SOX5: variants seen among roughly 807,000 people sequenced by gnomAD.
The protein encoded by SOX5 is SRY-box transcription factor 5.
SOX5 carries 9 observed loss-of-function variants against 92.0 expected under a neutral mutation model. The ratio of observed to expected loss-of-function variants is 0.10; its 90% CI spans 0.06 to 0.17. The LOEUF (loss-of-function observed/expected upper bound fraction) is 0.17, where lower values mean the gene tolerates loss of function less well. SOX5 is among the 10% of genes least tolerant of loss of function. The pLI, the probability that SOX5 is intolerant of heterozygous loss-of-function variation, is 1.00. For synonymous variants in SOX5, 344 were observed against 336.3 expected (o/e 1.02, Z -0.25); for missense variants, 642 against 944.5 (o/e 0.68, Z 4.20).
intron 4 of SOX5, among the ~76,000 whole-genome samples, chr12:24,164,560 A>G (rs185565809): frequency 6.6e-6 from 1 of 152,076 alleles, no homozygotes; most frequent in Non-Finnish European, 1.5e-5. Flanking sequence ...GTTGCTAATC[A>G]CTCTGGTGTC....
At chr12:24,384,653 C>A (rs922812463) in intron 1 of SOX5, among the ~76,000 whole-genome samples, 3 of 152,146 alleles carry the variant, frequency 2.0e-5, no homozygotes, top group Non-Finnish European at 4.4e-5. Context: ...TACTGTTGCA[C>A]CTGAAACAGC....
rs1317722673 is a variant in SOX5, at chr12:24,246,140, T to G, written c.-77+31076A>C. Among the ~76,000 whole-genome samples the G allele has an allele frequency of 8.5e-5, 13 of 152,312 alleles. No individual in the cohort carries two copies. The East Asian group carries it at 2.3e-3, about 27-fold the overall frequency. Reference sequence around the variant, plus strand: ...TACATATTTAAAATTTTGGTTTTAGTCTTGTTGAACTTTTTTTTTAAATAA... The same window carrying G: ...TACATATTTAAAATTTTGGTTTTAGGCTTGTTGAACTTTTTTTTTAAATAA... On this transcript the variant is annotated intron_variant, in intron 3 of 4. Transcript: ENST00000446891.
At chr12:23,806,381 A>ATGGGAGGACTAT (rs760668675) in intron 3 of SOX5, among the ~76,000 whole-genome samples, 45 of 152,166 alleles carry the variant, frequency 3.0e-4, no homozygotes, top group Non-Finnish European at 5.4e-4. Flanking sequence ...GAGCACTGAA[A>ATGGGAGGACTAT]TGGGAGGACT....
At chr12:23,857,570 C>T (rs866314480) in intron 2 of SOX5, among the ~76,000 whole-genome samples, 15 of 152,158 alleles carry the variant, frequency 9.9e-5, no homozygotes, top group Admixed American at 4.6e-4. Flanking sequence ...GAGTACATTG[C>T]CCTTCCCTCT....
At chr12:24,442,948 A>ATTTTTTT (rs3983413) in intron 1 of SOX5, among the ~76,000 whole-genome samples, 6 of 109,930 alleles carry the variant, frequency 5.5e-5, no homozygotes, top group South Asian at 6.2e-4. Context: ...TAAGTTTATA[A>ATTTTTTT]TTTTTTTTTT....
At chr12:24,207,168 T>C (rs1423299954) in intron 4 of SOX5, among the ~76,000 whole-genome samples, 1 of 152,236 alleles carries the variant, frequency 6.6e-6, no homozygotes, top group African/African-American at 2.4e-5. Flanking sequence ...TGTAAGCGTC[T>C]AAATGAAATC....
At chr12:23,946,619 T>C (rs555884519) in intron 1 of SOX5, among the ~76,000 whole-genome samples, 2 of 152,108 alleles carry the variant, frequency 1.3e-5, no homozygotes, top group Admixed American at 1.3e-4. Flanking sequence ...ATATATAAAT[T>C]TATTGACTTC....
At chr12:24,414,537 C>T (rs984596560) in intron 1 of SOX5, among the ~76,000 whole-genome samples, 9 of 152,190 alleles carry the variant, frequency 5.9e-5, no homozygotes, top group East Asian at 1.9e-4. Context: ...ATTCCAGCCC[C>T]GTGTACTGGT....
intron 4 of SOX5, among the ~76,000 whole-genome samples, chr12:23,748,956 G>T (rs181007419): frequency 2.0e-5 from 3 of 151,934 alleles, no homozygotes; most frequent in Admixed American, 2.0e-4. Flanking sequence ...CTACCACATG[G>T]CAAGACAGAT....
At chr12:24,152,190 T>C (rs978670669) in intron 4 of SOX5, among the ~76,000 whole-genome samples, 3 of 152,156 alleles carry the variant, frequency 2.0e-5, no homozygotes, top group African/African-American at 7.2e-5. Context: ...AAAGTTGACA[T>C]ATGTCATGGG....
At chr12:23,976,883 T>C (rs1166293527) in intron 4 of SOX5, among the ~76,000 whole-genome samples, 1 of 151,778 alleles carries the variant, frequency 6.6e-6, no homozygotes, top group Non-Finnish European at 1.5e-5. Flanking sequence ...TGTTGACTTG[T>C]AGAAGAATAG....
chr12:24,381,204 A>C (rs1359523561), intron 1 of SOX5, among the ~76,000 whole-genome samples: 1 of 152,362 alleles, frequency 6.6e-6, no homozygotes, highest in South Asian at 2.1e-4. Context: ...CCAACGAAAA[A>C]CCAAAACAAC....
intron 4 of SOX5, among the ~76,000 whole-genome samples, chr12:24,042,957 T>C (rs1217811644): frequency 6.6e-6 from 1 of 152,186 alleles, no homozygotes; most frequent in African/African-American, 2.4e-5. Context: ...TTGTTTAATA[T>C]TTACCAAAGT....
chr12:24,206,416 C>T (rs554474921), intron 4 of SOX5, among the ~76,000 whole-genome samples: 1 of 152,222 alleles, frequency 6.6e-6, no homozygotes, highest in African/African-American at 2.4e-5. Context: ...GGAGTTAGTC[C>T]AGACACTTAA....
chr12:24,282,775 A>G (rs1945371690), intron 2 of SOX5, among the ~76,000 whole-genome samples: 1 of 152,204 alleles, frequency 6.6e-6, no homozygotes, highest in East Asian at 1.9e-4. Flanking sequence ...TAATTAGGGC[A>G]GTGCTAGATC....
At chr12:23,558,014 A>G (rs1945521943) in intron 11 of SOX5, among the ~76,000 whole-genome samples, 1 of 150,676 alleles carries the variant, frequency 6.6e-6, no homozygotes. Flanking sequence ...GTAAGAGTGG[A>G]AGGGCAAAAG....
chr12:24,549,043 C>A (rs1280666548), intron 1 of SOX5, among the ~76,000 whole-genome samples: 3 of 152,154 alleles, frequency 2.0e-5, no homozygotes, highest in Admixed American at 2.0e-4. Flanking sequence ...ACACTCTTTT[C>A]CCTCCCTCTT....
chr12:23,900,772 C>A (rs1388794056), intron 1 of SOX5, among the ~76,000 whole-genome samples: 3 of 152,064 alleles, frequency 2.0e-5, no homozygotes, highest in Admixed American at 1.3e-4. Context: ...TCAGCCCAGC[C>A]AACATGGTGA....
At chr12:24,047,954 T>C (rs550120514) in intron 4 of SOX5, among the ~76,000 whole-genome samples, 2 of 152,342 alleles carry the variant, frequency 1.3e-5, no homozygotes, top group Admixed American at 6.5e-5. Flanking sequence ...AAGTGATCCT[T>C]TTCTTCAGTT....
Sources: gnomAD v4.1 joint callset for allele counts (sites outside exome capture counted in the v4.1 genomes callset) on GRCh38, gnomAD v4.1.1 for gene constraint, MANE v1.5 for transcripts, NCBI Gene and HGNC (gene_info 2026-07-23, HGNC 2026-07-21) for gene names.